Variants in DNAI2 observed in about 807,000 individuals in gnomAD.
The protein encoded by DNAI2 is dynein axonemal intermediate chain 2.
Under a neutral mutation model 74.7 loss-of-function variants are expected in DNAI2, and 63 were observed. That is an observed-to-expected ratio of 0.84 (90% CI 0.69 to 1.04). DNAI2 has a LOEUF of 1.04. Ranked by LOEUF, DNAI2 falls within the 50% of genes least tolerant of loss-of-function variation. The pLI is 0.00. For missense variants in DNAI2, 688 were observed against 803.2 expected, an observed-to-expected ratio of 0.86 and a Z score of 1.73; for synonymous variants, 289 against 314.9, an observed-to-expected ratio of 0.92 and a Z score of 0.87.
intron 10 of DNAI2, 100 bp downstream of exon 10, chr17:74,309,488 G>C: frequency 1.3e-6 from 2 of 1,553,084 alleles, no homozygotes; most frequent in Admixed American, 1.7e-5. Context: ...GCAGTGTGTG[G>C]CCAGGTGTGT....
In DNAI2 at chr17:74,285,086, T is replaced by C; in HGVS notation, c.230T>C (p.Val77Ala). Residue 77 changes from valine to alanine, a missense_variant, in exon 3 of 14, where the codon GTC becomes GCC. By Grantham distance (64) the Val-to-Ala change is moderately conservative. Transcript: ENST00000311014. ...FEMETRGVNH[V>A]EGGWPKDVNP... ...ATGGAGACCCGGGGAGTTAACCATG[T>C]CGAGGGGGGCTGGCCCAAGGACGTG... is the stretch of plus-strand genomic sequence containing the variant. 4.3e-6 allele frequency: 7 copies of C among 1,614,186 alleles called. No individual in the cohort carries two copies. Among genetic ancestry groups the C allele is most frequent in the Non-Finnish European group, 5.9e-6 (7 of 1,180,018 alleles).
intron 9 of DNAI2, 68 bp from the exon 10 acceptor site, chr17:74,309,185 C>G (rs2053359650): frequency 6.3e-7 from 1 of 1,584,208 alleles, no homozygotes; most frequent in African/African-American, 1.3e-5. Context: ...CCAGAAGGGA[C>G]CAAGTGAGCC....
At position 74,287,126 on chromosome 17, in the gene DNAI2, G is replaced by A. The variant is rs748846654; in HGVS notation, c.467+28G>A. The A allele has an allele frequency of 1.9e-6, 3 of 1,612,054 alleles. No individual in the cohort carries two copies. In the East Asian group the frequency reaches 6.7e-5, roughly 36 times the overall value. ...AGCGCCATAGCCAGGCAGGTGTCTG[G>A]CCACCCTCCGTCACCCCCATGCATG... On this transcript the variant is annotated intron_variant, in intron 4 of 13. Coordinates refer to ENST00000311014, the MANE Select transcript of DNAI2 (RefSeq NM_023036.6).
intron 6 of DNAI2, among the ~76,000 whole-genome samples, chr17:74,293,893 C>A (rs1169665993): frequency 6.6e-6 from 1 of 151,598 alleles, no homozygotes; most frequent in Non-Finnish European, 1.5e-5. Flanking sequence ...AAGCGATTCT[C>A]CTGCCTCAGC....
At chr17:74,299,272 AT>A (rs2052620571) in intron 6 of DNAI2, among the ~76,000 whole-genome samples, 1 of 152,166 alleles carries the variant, frequency 6.6e-6, no homozygotes, top group East Asian at 1.9e-4. Flanking sequence ...TAGCAGAGAG[AT>A]TCACCTAAAT....
chr17:74,309,123 G>T, intron 9 of DNAI2, 130 bp from the exon 10 acceptor site: 1 of 934,188 alleles, frequency 1.1e-6, no homozygotes, highest in Non-Finnish European at 1.7e-6. Flanking sequence ...ACAGCTAGAA[G>T]TCAGACACAA....
At chr17:74,289,775 A>C in intron 5 of DNAI2, 39 bp downstream of exon 5, 1 of 1,612,794 alleles carries the variant, frequency 6.2e-7, no homozygotes, top group Non-Finnish European at 8.5e-7. Context: ...GGGAGGGCTG[A>C]GGGCTGGGAC....
intron 3 of DNAI2, among the ~76,000 whole-genome samples, chr17:74,286,772 G>A (rs1048124603): frequency 1.3e-5 from 2 of 152,108 alleles, no homozygotes; most frequent in African/African-American, 4.8e-5. Context: ...TTCATGCGCT[G>A]CATGTATTTC....
Position 74,281,455 on chromosome 17 carries a change from A to T in DNAI2, c.-11-352A>T, listed in dbSNP as rs1329426529. ...TGTATTTTTGCAGAGATGGGGTTTC[A>T]CCATGTTGGCCAGGCTGGTCTTGAA... On this transcript the variant is annotated intron_variant, in intron 1 of 13. Coordinates refer to ENST00000311014, the MANE Select transcript of DNAI2 (RefSeq NM_023036.6). 1.8e-5 allele frequency: 9 copies of T among 489,420 alleles called. No individual in the cohort carries two copies. In the East Asian group the frequency reaches 2.3e-4, roughly 12 times the overall value. 30.3% of individuals were successfully genotyped at this position (489,420 alleles called of 1,614,324 possible).
intron 2 of DNAI2, among the ~76,000 whole-genome samples, chr17:74,282,604 G>C (rs1161947340): frequency 1.3e-5 from 2 of 152,192 alleles, no homozygotes; most frequent in East Asian, 3.8e-4. Context: ...CCCAGCGTGG[G>C]AGAGATATTC....
intron 2 of DNAI2, among the ~76,000 whole-genome samples, chr17:74,283,198 G>C (rs1053318436): frequency 1.3e-5 from 2 of 152,234 alleles, no homozygotes; most frequent in Admixed American, 1.3e-4. Flanking sequence ...AAGAGTTTTG[G>C]AACTAGGTGG....
intron 1 of DNAI2, among the ~76,000 whole-genome samples, chr17:74,275,661 AG>A (rs1456043230): frequency 6.6e-6 from 1 of 151,922 alleles, no homozygotes; most frequent in Non-Finnish European, 1.5e-5. Flanking sequence ...TGGGAGGTGG[AG>A]GTTGCAGTGA....
chr17:74,276,811 A>G (rs1193367640), intron 1 of DNAI2, among the ~76,000 whole-genome samples: 1 of 152,212 alleles, frequency 6.6e-6, no homozygotes, highest in East Asian at 1.9e-4. Flanking sequence ...TGTGTCCCCT[A>G]GGAGCCAGCT....
intron 6 of DNAI2, among the ~76,000 whole-genome samples, chr17:74,298,341 G>T (rs2052567915): frequency 6.6e-6 from 1 of 152,182 alleles, no homozygotes; most frequent in Non-Finnish European, 1.5e-5. Context: ...GCCTTGCTTT[G>T]TTGCCCAGGC....
At chr17:74,307,470 C>T (rs111992603) in intron 9 of DNAI2, 33,352 of 354,622 alleles carry the variant, frequency 0.094, 2,959 homozygotes, top group African/African-American at 0.31. Context: ...GAGTTCAAGA[C>T]GAGCCTGGCC....
chr17:74,299,683 C>T (rs767170365), intron 6 of DNAI2, 35 bp from the exon 7 acceptor site: 1 of 1,612,692 alleles, frequency 6.2e-7, no homozygotes, highest in East Asian at 2.2e-5. Flanking sequence ...AGCCTGTGCC[C>T]CCTTCCACTC....
rs770624431 is a variant in DNAI2 at position 74,287,039 on chromosome 17, C to A, written c.408C>A (p.Asp136Glu). The A allele has an allele frequency of 1.2e-6, 2 of 1,613,814 alleles. No homozygotes were observed. Among genetic ancestry groups the A allele is most frequent in the African/African-American group, 2.7e-5 (2 of 75,002 alleles). ...AIDIYEEYFN[D>E]EEAMEVMEED... The stretch of plus-strand genomic sequence containing the variant: ...ACATCTATGAAGAGTATTTCAATGA[C>A]GAGGAGGCCATGGAAGTGATGGAGG... The change falls in exon 4 of 14, where the codon GAC becomes GAA. Residue 136 changes from aspartate (D) to glutamate (E), a missense_variant. Transcript: ENST00000311014.
intron 1 of DNAI2, among the ~76,000 whole-genome samples, chr17:74,279,174 A>G (rs1294453589): frequency 6.6e-6 from 1 of 152,198 alleles, no homozygotes; most frequent in Non-Finnish European, 1.5e-5. Flanking sequence ...CTCAAAATAA[A>G]TAAATAAATA....
chr17:74,281,927 T>G lies in DNAI2; in HGVS notation c.110T>G (p.Leu37Arg). 6.2e-7 allele frequency: 1 copy of G among 1,614,148 alleles called. No individual in the cohort carries two copies. The highest frequency in any genetic ancestry group is 1.3e-5 in the African/African-American group (1 of 75,056). Residue 37 changes from leucine (L) to arginine (R), a missense_variant, in exon 2 of 14, where the codon CTG (leucine) becomes CGG (arginine). Coordinates refer to ENST00000311014, the MANE Select transcript of DNAI2 (RefSeq NM_023036.6). The part of the protein sequence containing the change: ...LNIDIMPNPE[L>R]AEQFVERNPV... ...ATCGACATCATGCCCAACCCTGAGC[T>G]GGCCGAGCAGTTCGTGGAGCGGAAC...
Sources: allele counts gnomAD v4.1 joint callset (sites outside exome capture counted in the v4.1 genomes callset), GRCh38; gene constraint gnomAD v4.1.1; transcripts MANE v1.5; gene names NCBI Gene and HGNC (gene_info 2026-07-23, HGNC 2026-07-21).